Variants in IFT140 observed in about 807,000 individuals in gnomAD.
IFT140 encodes intraflagellar transport protein 140 homolog.
In IFT140, 133 loss-of-function variants were observed where a neutral mutation model predicts 164.6. That is an observed-to-expected ratio of 0.81 (90% CI 0.70 to 0.93). IFT140 has a LOEUF of 0.93. IFT140 is among the 40% of genes least tolerant of loss of function. The pLI is 0.00. For missense variants in IFT140, 2,045 were observed against 1,972.3 expected (o/e 1.04, Z -0.70); for synonymous variants, 860 against 817.3 (o/e 1.05, Z -0.89).
chr16:1,584,322 G>A lies in IFT140; in HGVS notation c.1254C>T (p.Ala418=), dbSNP rs777443955. The A allele has an allele frequency of 1.2e-5, 19 of 1,613,492 alleles. No homozygotes were observed. The highest frequency in any genetic ancestry group is 1.7e-5 in the Admixed American group (1 of 59,966). ...GCAGACTCGGGGAGACCTGCATGGCGGCCACTTGCTGGTGGAAGTGTGACG... is the reference window on the plus strand; with the variant it reads ...GCAGACTCGGGGAGACCTGCATGGCAGCCACTTGCTGGTGGAAGTGTGACG... ...AMSSHFHQQV[A]AMQVSPSLLN... Residue 418 remains alanine, a synonymous_variant, in exon 11 of 31, where the codon GCC becomes GCT. Transcript: ENST00000426508.
intron 19 of IFT140, among the ~76,000 whole-genome samples, chr16:1,544,884 G>C (rs950365998): frequency 6.6e-6 from 1 of 152,144 alleles, no homozygotes; most frequent in Admixed American, 6.5e-5. Context: ...TCCTGACCTT[G>C]TGATCCGCCC....
In IFT140 at chr16:1,565,489, G is replaced by A. The variant is rs150045073; in HGVS notation, c.1901+672C>T. 2.3e-3 allele frequency among the ~76,000 whole-genome samples: 355 copies of A among 152,210 alleles called. 5 individuals are homozygous for A. Among genetic ancestry groups the A allele is most frequent in the African/African-American group, 7.9e-3 (329 of 41,514 alleles). The stretch of plus-strand genomic sequence containing the variant: ...CTGGACAGAAGGGGTGTGTCTGATG[G>A]TGGTCAAGTAATGGAGGAGGGAAAA... On this transcript the variant is annotated intron_variant, in intron 16 of 30. Coordinates refer to ENST00000426508, the MANE Select transcript of IFT140 (RefSeq NM_014714.4).
chr16:1,540,871 G>A (rs2031564948), intron 19 of IFT140: 1 of 985,252 alleles, frequency 1.0e-6, no homozygotes, highest in African/African-American at 1.7e-5. Context: ...GACTCTGTGG[G>A]GCTGTTGCTT....
intron 17 of IFT140, 28 bp from the exon 18 acceptor site, chr16:1,562,144 GTTT>G: frequency 2.5e-6 from 3 of 1,189,038 alleles, no homozygotes; most frequent in East Asian, 3.0e-5. Flanking sequence ...GTACTGTTCT[GTTT>G]TTTTTTTTAA....
rs1567378791 is a variant in IFT140 at position 1,566,158 on chromosome 16, T to C, written c.1901+3A>G. On this transcript the variant is annotated splice_donor_region_variant and intron_variant, in intron 16 of 30. Transcript: ENST00000426508. Reference sequence around the variant, plus strand: ...ACAAAATCCTCCTGAACCACAATCTTACTTATTAGTCTCTTGCTCATTAAA... The same window carrying C: ...ACAAAATCCTCCTGAACCACAATCTCACTTATTAGTCTCTTGCTCATTAAA... 6.2e-7 allele frequency: 1 copy of C among 1,612,236 alleles called. No individual in the cohort carries two copies.
At chr16:1,550,007 G>C (rs981143641) in intron 19 of IFT140, among the ~76,000 whole-genome samples, 1 of 152,054 alleles carries the variant, frequency 6.6e-6, no homozygotes, top group Non-Finnish European at 1.5e-5. Flanking sequence ...CCCAGGCTGA[G>C]TGCAATGGTG....
At chr16:1,586,017 C>T (rs1303087082) in intron 10 of IFT140, 113 bp downstream of exon 10, 8 of 1,244,488 alleles carry the variant, frequency 6.4e-6, no homozygotes, top group East Asian at 2.3e-5. Context: ...ATGATCCACC[C>T]GCCTTGGCCT....
chr16:1,534,227 G>C (rs528441176), intron 19 of IFT140: 2 of 1,597,802 alleles, frequency 1.3e-6, no homozygotes, highest in Non-Finnish European at 8.5e-7. Flanking sequence ...GTGCGGCCGC[G>C]GACTGGGACT....
chr16:1,599,807 C>T (rs1440654744), intron 4 of IFT140, among the ~76,000 whole-genome samples: 1 of 80,980 alleles, frequency 1.2e-5, no homozygotes, highest in Non-Finnish European at 2.2e-5. Context: ...CCCGGCCAGC[C>T]GCCCCGTCCA....
intron 17 of IFT140, among the ~76,000 whole-genome samples, chr16:1,563,325 C>T (rs2033525236): frequency 6.6e-6 from 1 of 150,728 alleles, no homozygotes; most frequent in Non-Finnish European, 1.5e-5. Flanking sequence ...GACGGAGTCT[C>T]ACTCTGTCGC....
chr16:1,540,624 G>A (rs978119990), intron 19 of IFT140, among the ~76,000 whole-genome samples: 17 of 152,232 alleles, frequency 1.1e-4, no homozygotes, highest in African/African-American at 3.9e-4. Context: ...GCGGGCACAG[G>A]GACCTGCTCC....
chr16:1,574,114 G>C (rs1448947268), intron 13 of IFT140, among the ~76,000 whole-genome samples: 1 of 152,120 alleles, frequency 6.6e-6, no homozygotes, highest in African/African-American at 2.4e-5. Context: ...ATCAACCAAA[G>C]AGGATTCCTG....
intron 19 of IFT140, among the ~76,000 whole-genome samples, chr16:1,545,514 GT>G (rs59045034): frequency 0.019 from 2,888 of 152,206 alleles, 104 homozygotes; most frequent in African/African-American, 0.066. Flanking sequence ...TTAGAGTCGG[GT>G]TTTTTTTCCT....
intron 2 of IFT140, among the ~76,000 whole-genome samples, chr16:1,608,952 G>A (rs1228382731): frequency 6.6e-6 from 1 of 152,022 alleles, no homozygotes; most frequent in Non-Finnish European, 1.5e-5. Context: ...TCAGAAGATC[G>A]AGACCATCCT....
chr16:1,592,623 GTCCC>G, intron 4 of IFT140, 35 bp from the exon 5 acceptor site: 11 of 1,589,294 alleles, frequency 6.9e-6, no homozygotes, highest in South Asian at 2.2e-5. Flanking sequence ...TAGGACAGGT[GTCCC>G]GGCAGAGCGA....
intron 19 of IFT140, among the ~76,000 whole-genome samples, chr16:1,534,755 G>A (rs2030894995): frequency 6.6e-6 from 1 of 152,212 alleles, no homozygotes; most frequent in Non-Finnish European, 1.5e-5. Context: ...GGTGAGTGGT[G>A]GCCCCACACA....
chr16:1,572,962 G>C (rs997075620), intron 13 of IFT140, among the ~76,000 whole-genome samples: 5 of 152,188 alleles, frequency 3.3e-5, no homozygotes, highest in African/African-American at 1.2e-4. Flanking sequence ...TCTAGTGCAT[G>C]GGAGCTGCAC....
Position 1,602,600 on chromosome 16 carries a change from G to A in IFT140, c.148-9C>T. On this transcript the variant is annotated splice_polypyrimidine_tract_variant and intron_variant, in intron 3 of 30. Coordinates refer to ENST00000426508, the MANE Select transcript of IFT140 (RefSeq NM_014714.4). The stretch of plus-strand genomic sequence containing the variant: ...TCTGGCACGCACTCCCCCTGCATTG[G>A]ATGAGAGGCAAATTCCCACAGTTCA... The A allele has an allele frequency of 6.2e-7, 1 of 1,608,398 alleles. No individual in the cohort carries two copies. Among genetic ancestry groups the A allele is most frequent in the Non-Finnish European group, 8.5e-7 (1 of 1,179,232 alleles).
At chr16:1,605,482 A>G (rs1432877802) in intron 3 of IFT140, among the ~76,000 whole-genome samples, 1 of 152,018 alleles carries the variant, frequency 6.6e-6, no homozygotes, top group Non-Finnish European at 1.5e-5. Flanking sequence ...CTCGGCTCAC[A>G]GCAAGCTCTG....
Sources: gnomAD v4.1 joint callset for allele counts (sites outside exome capture counted in the v4.1 genomes callset) on GRCh38, gnomAD v4.1.1 for gene constraint, MANE v1.5 for transcripts, NCBI Gene and HGNC (gene_info 2026-07-23, HGNC 2026-07-21) for gene names.